GPM6B: variants seen among roughly 807,000 people sequenced by gnomAD.
The protein encoded by GPM6B is glycoprotein M6B.
Under a neutral mutation model 27.2 loss-of-function variants are expected in GPM6B, and 4 were observed. The ratio of observed to expected loss-of-function variants is 0.15; its 90% CI spans 0.07 to 0.34. The LOEUF (loss-of-function observed/expected upper bound fraction) is 0.34, where lower values mean the gene tolerates loss of function less well. GPM6B is among the 10% of genes least tolerant of loss of function. The pLI, the probability that GPM6B is intolerant of heterozygous loss-of-function variation, is 1.00. For synonymous variants in GPM6B, 124 were observed against 103.1 expected, an observed-to-expected ratio of 1.20 and a Z score of -1.23; for missense variants, 183 against 261.9, an observed-to-expected ratio of 0.70 and a Z score of 2.08.
At chrX:13,794,494 G>A (rs1305690871) in intron 2 of GPM6B, among the ~76,000 whole-genome samples, 2 of 111,385 alleles carry the variant, frequency 1.8e-5, no homozygotes, top group East Asian at 2.8e-4. Context: ...GTGCAGCCCC[G>A]GCAGACCTCA....
At chrX:13,787,172 C>T (rs955935785) in intron 2 of GPM6B, among the ~76,000 whole-genome samples, 14 of 109,425 alleles carry the variant, frequency 1.3e-4, no homozygotes, top group South Asian at 3.9e-4. Context: ...AACTAGCATT[C>T]GCTTAAACCT....
At chrX:13,815,539 AAAC>A (rs981868667) in intron 1 of GPM6B, among the ~76,000 whole-genome samples, 3 of 110,295 alleles carry the variant, frequency 2.7e-5, no homozygotes, top group African/African-American at 9.9e-5. Context: ...GGATTGAACT[AAAC>A]AAACGATTTT....
Position 13,777,416 on chromosome X carries a change from G to A in GPM6B, c.707C>T (p.Pro236Leu), listed in dbSNP as rs1355780178. The change falls in exon 6 of 8, where the codon CCT becomes CTT. Residue 236 changes from proline (P) to leucine (L), a missense_variant. Pro to Leu is a moderately conservative substitution (Grantham distance 98). Transcript: ENST00000316715. ...CVDIRQYGII[P>L]WNAFPGKICG... is the part of the protein sequence containing the mutation. Reference sequence around the variant, plus strand: ...TATTTTTCCGGGGAAAGCATTCCAAGGAATGATACCTGTAAAATGAACCCC... The same window carrying A: ...TATTTTTCCGGGGAAAGCATTCCAAAGAATGATACCTGTAAAATGAACCCC... The A allele has an allele frequency of 1.7e-6, 2 of 1,191,808 alleles. No individual in the cohort carries two copies. Among genetic ancestry groups the A allele is most frequent in the Non-Finnish European group, 2.3e-6 (2 of 877,355 alleles).
At chrX:13,779,648 G>A (rs1224349401) in intron 5 of GPM6B, among the ~76,000 whole-genome samples, 170 bp downstream of exon 5, 1 of 111,471 alleles carries the variant, frequency 9.0e-6, no homozygotes, top group Non-Finnish European at 1.9e-5. Context: ...CCTCCCTGAA[G>A]TTTCCACCCA....
At chrX:13,897,470 A>G (rs973784883) in intron 1 of GPM6B, among the ~76,000 whole-genome samples, 1 of 112,095 alleles carries the variant, frequency 8.9e-6, no homozygotes, top group Non-Finnish European at 1.9e-5. Context: ...GTTTTAAATT[A>G]TTCATATACA....
intron 7 of GPM6B, among the ~76,000 whole-genome samples, chrX:13,775,935 G>A (rs1438702079): frequency 8.9e-6 from 1 of 112,599 alleles, no homozygotes; most frequent in Non-Finnish European, 1.9e-5. Context: ...GCATCTGTCT[G>A]CGACTGAAGT....
At chrX:13,817,111 G>C (rs1216889731), upstream of GPM6B, 4 of 968,460 alleles carry the variant, frequency 4.1e-6, no homozygotes, top group African/African-American at 8.2e-5. Context: ...GGTCCATAAA[G>C]ACAGCTGCCA....
At chrX:13,815,945 C>T (rs977800013) in intron 1 of GPM6B, among the ~76,000 whole-genome samples, 1 of 111,728 alleles carries the variant, frequency 9.0e-6, no homozygotes, top group South Asian at 3.8e-4. Context: ...AGAGCCACTG[C>T]GGTTACAGAA....
chrX:13,824,748 T>C (rs1490856950), intron 1 of GPM6B, among the ~76,000 whole-genome samples: 1 of 111,748 alleles, frequency 8.9e-6, no homozygotes, highest in Non-Finnish European at 1.9e-5. Context: ...CCTAAAAGGA[T>C]AGTGAGTCCC....
chrX:13,829,359 T>C (rs1432625015), intron 1 of GPM6B, among the ~76,000 whole-genome samples: 1 of 111,801 alleles, frequency 8.9e-6, no homozygotes, highest in Non-Finnish European at 1.9e-5. Flanking sequence ...CATAAGGCTA[T>C]TGTTAGGAGT....
intron 1 of GPM6B, among the ~76,000 whole-genome samples, chrX:13,861,067 C>CAT (rs750896515): frequency 3.8e-5 from 4 of 106,434 alleles, no homozygotes; most frequent in Non-Finnish European, 7.7e-5. Context: ...TATACACATA[C>CAT]ATATATATAC....
chrX:13,785,353 G>A lies in GPM6B; in HGVS notation c.368+269C>T, dbSNP rs145154945. On this transcript the variant is annotated intron_variant, in intron 3 of 7. Coordinates refer to ENST00000316715, the MANE Select transcript of GPM6B (RefSeq NM_001001995.3). ...GCAGTGTTGCCATCTCGGCTCACCA[G>A]CTCACCGCAACATCCACCTCCTGGG... 5.9e-3 allele frequency among the ~76,000 whole-genome samples: 654 copies of A among 111,427 alleles called. 1 individual carries two copies. The highest frequency in any genetic ancestry group is 0.01 in the Non-Finnish European group (532 of 53,044).
intron 1 of GPM6B, among the ~76,000 whole-genome samples, chrX:13,931,442 C>A (rs1256943856): frequency 2.8e-5 from 3 of 108,130 alleles, no homozygotes; most frequent in Admixed American, 9.9e-5. Flanking sequence ...GAGCCGAGAT[C>A]GCACCACTGC....
At chrX:13,795,144 T>C (rs1032803492) in intron 2 of GPM6B, among the ~76,000 whole-genome samples, 3 of 112,401 alleles carry the variant, frequency 2.7e-5, no homozygotes, top group African/African-American at 9.7e-5. Context: ...AATGAAATTT[T>C]TTTGACATGG....
intron 2 of GPM6B, among the ~76,000 whole-genome samples, chrX:13,798,993 G>A (rs1240359049): frequency 3.6e-5 from 4 of 111,251 alleles, no homozygotes; most frequent in Admixed American, 9.5e-5. Flanking sequence ...TTTCAAGAAC[G>A]CTGATGCCTG....
chrX:13,865,542 C>CAAAAAAAAAAAAAAAAAAAAAAAAAAAA (rs1171503867), intron 1 of GPM6B, among the ~76,000 whole-genome samples: 6 of 14,620 alleles, frequency 4.1e-4, no homozygotes, highest in South Asian at 4.3e-3. Flanking sequence ...TCCATCTCTT[C>CAAAAAAAAAAAAAAAAAAAAAAAAAAAA]AAAAAAAAAA....
intron 1 of GPM6B, among the ~76,000 whole-genome samples, chrX:13,871,171 G>A (rs903272135): frequency 3.6e-5 from 4 of 112,309 alleles, no homozygotes; most frequent in Non-Finnish European, 7.5e-5. Context: ...AGATCTGGGG[G>A]AGAAGGCAGA....
At chrX:13,896,035 G>A (rs2050229944) in intron 1 of GPM6B, among the ~76,000 whole-genome samples, 1 of 95,279 alleles carries the variant, frequency 1.0e-5, no homozygotes, top group East Asian at 3.4e-4. Flanking sequence ...TACACTTGTA[G>A]TCCCAGCTAT....
At chrX:13,878,323 G>A (rs2050061052) in intron 1 of GPM6B, among the ~76,000 whole-genome samples, 1 of 108,720 alleles carries the variant, frequency 9.2e-6, no homozygotes, top group African/African-American at 3.4e-5. Context: ...CTATCAGCAT[G>A]GGTCAGGGAG....
Sources: allele counts gnomAD v4.1 joint callset (sites outside exome capture counted in the v4.1 genomes callset), GRCh38; gene constraint gnomAD v4.1.1; transcripts MANE v1.5; gene names NCBI Gene and HGNC (gene_info 2026-07-23, HGNC 2026-07-21).